The following ROBO1 variants were observed in gnomAD, a reference collection of about 807,000 sequenced individuals.
ROBO1 encodes roundabout homolog 1.
ROBO1 carries 149 observed loss-of-function variants against 195.9 expected under a neutral mutation model. The ratio of observed to expected loss-of-function variants is 0.76; its 90% confidence interval spans 0.67 to 0.87. The LOEUF (loss-of-function observed/expected upper bound fraction) is 0.87, where lower values mean the gene tolerates loss of function less well. Ranked by LOEUF, ROBO1 falls within the 40% of genes least tolerant of loss-of-function variation. The pLI is 0.00. For synonymous variants in ROBO1, 816 were observed against 733.2 expected (o/e 1.11, Z -1.82); for missense variants, 1,933 against 2,068.3 (o/e 0.93, Z 1.27).
At chr3:79,387,550 C>CT (rs2036796701) in intron 2 of ROBO1, among the ~76,000 whole-genome samples, 1 of 151,672 alleles carries the variant, frequency 6.6e-6, no homozygotes, top group Non-Finnish European at 1.5e-5. Context: ...GTTAGCAAGT[C>CT]TTTTTAAAAA....
At chr3:79,145,104 G>A (rs972922568) in intron 2 of ROBO1, among the ~76,000 whole-genome samples, 1 of 151,746 alleles carries the variant, frequency 6.6e-6, no homozygotes, top group Non-Finnish European at 1.5e-5. Context: ...AGTTGGTTTG[G>A]TTTGTCATCA....
chr3:79,630,529 C>A (rs1203948648), intron 1 of ROBO1, among the ~76,000 whole-genome samples: 1 of 151,946 alleles, frequency 6.6e-6, no homozygotes, highest in Non-Finnish European at 1.5e-5. Context: ...CTATAGCCAA[C>A]ATCATTGTGA....
At chr3:79,503,217 A>G (rs569923006) in intron 2 of ROBO1, among the ~76,000 whole-genome samples, 1 of 152,182 alleles carries the variant, frequency 6.6e-6, no homozygotes. Flanking sequence ...AGGAATGAAC[A>G]ACTGCAGACG....
At chr3:78,959,103 C>T (rs1359763076) in intron 3 of ROBO1, among the ~76,000 whole-genome samples, 1 of 152,080 alleles carries the variant, frequency 6.6e-6, no homozygotes, top group Non-Finnish European at 1.5e-5. Context: ...TACCGGCCCA[C>T]CCTTTCTTCT....
At chr3:78,679,127 A>C (rs1158657556) in intron 10 of ROBO1, among the ~76,000 whole-genome samples, 9 of 152,108 alleles carry the variant, frequency 5.9e-5, no homozygotes, top group South Asian at 2.1e-4. Context: ...ATTCAACAAC[A>C]CTTCATGCTA....
intron 2 of ROBO1, among the ~76,000 whole-genome samples, chr3:79,399,960 G>A (rs1425344991): frequency 3.3e-5 from 5 of 152,082 alleles, no homozygotes; most frequent in Admixed American, 2.0e-4. Context: ...CTAGACCCTT[G>A]TGTAGCAAAA....
At chr3:79,516,833 A>G (rs1017812033) in intron 2 of ROBO1, among the ~76,000 whole-genome samples, 1 of 152,196 alleles carries the variant, frequency 6.6e-6, no homozygotes, top group Non-Finnish European at 1.5e-5. Context: ...ATAGATTTCT[A>G]GAAATGGAAA....
At chr3:79,275,897 T>A (rs2030992665) in intron 2 of ROBO1, among the ~76,000 whole-genome samples, 1 of 147,668 alleles carries the variant, frequency 6.8e-6, no homozygotes, top group Non-Finnish European at 1.5e-5. Flanking sequence ...CAAAAAAAAA[T>A]ACCTAGGAAT....
intron 2 of ROBO1, among the ~76,000 whole-genome samples, chr3:79,521,612 C>T (rs1941213115): frequency 6.6e-6 from 1 of 152,158 alleles, no homozygotes. Context: ...CTCTTTCCTA[C>T]CCTCAAGACA....
intron 2 of ROBO1, among the ~76,000 whole-genome samples, chr3:79,292,744 T>C (rs2032332558): frequency 3.9e-5 from 6 of 152,246 alleles, no homozygotes; most frequent in Admixed American, 3.9e-4. Flanking sequence ...TCGTGGTGGA[T>C]AAGCTTGTTG....
At chr3:79,327,435 T>C (rs887678152) in intron 2 of ROBO1, among the ~76,000 whole-genome samples, 12 of 152,092 alleles carry the variant, frequency 7.9e-5, no homozygotes, top group African/African-American at 2.9e-4. Flanking sequence ...TGTTACAAAG[T>C]GGCTAATGTA....
chr3:78,864,788 C>A (rs189613651), intron 4 of ROBO1, among the ~76,000 whole-genome samples: 270 of 151,018 alleles, frequency 1.8e-3, no homozygotes, highest in Non-Finnish European at 3.1e-3. Flanking sequence ...TCTAGTTTAA[C>A]CCTGTTTGTA....
intron 1 of ROBO1, among the ~76,000 whole-genome samples, chr3:79,683,453 C>T: frequency 6.6e-6 from 1 of 151,968 alleles, no homozygotes; most frequent in Non-Finnish European, 1.5e-5. Context: ...CAAGATATAC[C>T]TAACATAATT....
chr3:78,744,168 A>AATGG, intron 5 of ROBO1, among the ~76,000 whole-genome samples: 1 of 152,310 alleles, frequency 6.6e-6, no homozygotes, highest in African/African-American at 2.4e-5. Flanking sequence ...TGGCATCTAT[A>AATGG]CCATTTCAGT....
intron 4 of ROBO1, among the ~76,000 whole-genome samples, chr3:78,859,044 C>T (rs1264875382): frequency 6.6e-6 from 1 of 152,136 alleles, no homozygotes; most frequent in East Asian, 1.9e-4. Context: ...CTCTGTTGAA[C>T]TCTTGTCCTA....
At chr3:79,694,673 T>C (rs1467084951) in intron 1 of ROBO1, among the ~76,000 whole-genome samples, 2 of 151,822 alleles carry the variant, frequency 1.3e-5, no homozygotes, top group Non-Finnish European at 2.9e-5. Context: ...TATGTATAAG[T>C]TCTAGATTAC....
chr3:79,602,661 T>G (rs1359660150), intron 1 of ROBO1, among the ~76,000 whole-genome samples: 1 of 151,994 alleles, frequency 6.6e-6, no homozygotes, highest in Non-Finnish European at 1.5e-5. Flanking sequence ...ATTAATTTAA[T>G]TTATTTGACT....
Position 78,670,508 on chromosome 3 carries a change from T to C in ROBO1, c.1343-207A>G. On this transcript the variant is annotated intron_variant, in intron 10 of 30. Transcript: ENST00000464233. ...TGAGACACAATGTGCTACTTTCAAA[T>C]GACCAGCCACTCACTGAGCTGGCTG... 5.4e-6 allele frequency: 3 copies of C among 553,450 alleles called. 1 individual carries two copies. In the South Asian group the frequency reaches 6.4e-5, roughly 12 times the overall value. 34.3% of individuals were successfully genotyped at this position (553,450 alleles called of 1,614,324 possible). A position where few individuals can be genotyped will look rare whatever the true frequency, so the allele number is the denominator to read the frequency against.
intron 2 of ROBO1, among the ~76,000 whole-genome samples, chr3:79,319,971 A>C (rs2033906298): frequency 6.6e-6 from 1 of 151,304 alleles, no homozygotes; most frequent in Admixed American, 6.6e-5. Flanking sequence ...AAACTGTATA[A>C]CCAGGGTAGA....
Sources: gnomAD v4.1 joint callset for allele counts (sites outside exome capture counted in the v4.1 genomes callset) on GRCh38, gnomAD v4.1.1 for gene constraint, MANE v1.5 for transcripts, NCBI Gene and HGNC (gene_info 2026-07-23, HGNC 2026-07-21) for gene names.